MRTFA: variants seen among roughly 807,000 people sequenced by gnomAD.
MRTFA encodes myocardin-related transcription factor A.
Under a neutral mutation model 83.5 loss-of-function variants are expected in MRTFA, and 20 were observed. The observed-to-expected ratio is 0.24, with a 90% CI of 0.17 to 0.35. MRTFA has a LOEUF of 0.35. Among genes scored for constraint, MRTFA ranks in the 10% least tolerant of loss-of-function variants. The pLI is 1.00. For missense variants in MRTFA, 1,200 were observed against 1,224.7 expected, an observed-to-expected ratio of 0.98 and a Z score of 0.30; for synonymous variants, 659 against 541.2, an observed-to-expected ratio of 1.22 and a Z score of -3.02.
chr22:40,507,511 A>C (rs2147235437), intron 3 of MRTFA, among the ~76,000 whole-genome samples: 1 of 152,098 alleles, frequency 6.6e-6, no homozygotes, highest in East Asian at 1.9e-4. Flanking sequence ...AGTCCTAGCT[A>C]TTAGAGAGGC....
At chr22:40,524,258 T>C (rs1251642460) in intron 3 of MRTFA, among the ~76,000 whole-genome samples, 1 of 152,144 alleles carries the variant, frequency 6.6e-6, no homozygotes, top group Non-Finnish European at 1.5e-5. Context: ...ATTATGCCAC[T>C]GCACTCCACC....
At chr22:40,466,338 G>A (rs1050274527) in intron 3 of MRTFA, among the ~76,000 whole-genome samples, 2 of 152,150 alleles carry the variant, frequency 1.3e-5, no homozygotes. Flanking sequence ...GCCCTGTGAG[G>A]ATGCTACAGT....
rs202094661 is a variant in MRTFA, at chr22:40,632,062, A to G, written c.-84+4416T>C. Among the ~76,000 whole-genome samples the G allele has an allele frequency of 2.0e-5, 3 of 152,342 alleles. No homozygotes were observed. The East Asian group carries it at 5.8e-4, about 29-fold the overall frequency. On this transcript the variant is annotated intron_variant, in intron 1 of 14. Coordinates refer to ENST00000355630, the MANE Select transcript of MRTFA (RefSeq NM_020831.6). ...GGTATGTGACTTCTGAAGCTAGGTC[A>G]TAAAAGTCAATGCAGCAGCTTGGTC...
At chr22:40,460,923 G>A (rs1417488387) in intron 4 of MRTFA, among the ~76,000 whole-genome samples, 1 of 152,088 alleles carries the variant, frequency 6.6e-6, no homozygotes, top group Non-Finnish European at 1.5e-5. Flanking sequence ...CCCAAGCCGG[G>A]CAAGGTGGCT....
chr22:40,601,695 T>C (rs2056260944), intron 1 of MRTFA, among the ~76,000 whole-genome samples: 1 of 152,150 alleles, frequency 6.6e-6, no homozygotes, highest in African/African-American at 2.4e-5. Flanking sequence ...CCATAACCTT[T>C]AAAGCCTGAA....
At chr22:40,602,411 G>A in intron 1 of MRTFA, among the ~76,000 whole-genome samples, 1 of 152,136 alleles carries the variant, frequency 6.6e-6, no homozygotes, top group East Asian at 1.9e-4. Context: ...GAATGAACTT[G>A]GGATCACCAC....
chr22:40,489,326 T>A (rs1253663964), intron 3 of MRTFA, among the ~76,000 whole-genome samples: 2 of 151,936 alleles, frequency 1.3e-5, no homozygotes, highest in Non-Finnish European at 2.9e-5. Context: ...ATAATGTGTA[T>A]CTGTAGAAGA....
chr22:40,508,520 A>C (rs1207001582), intron 3 of MRTFA, among the ~76,000 whole-genome samples: 25 of 149,820 alleles, frequency 1.7e-4, no homozygotes, highest in African/African-American at 5.6e-4. Context: ...TCTCAAAAAA[A>C]AAAAAAAAAA....
rs189540312 is a variant in MRTFA at position 40,540,520 on chromosome 22, T to C, written c.241+11586A>G. On this transcript the variant is annotated intron_variant, in intron 3 of 14. Transcript: ENST00000355630. ...GCTTAATTCTAGCCAGGCAGCGCGG[T>C]GGCTCAAACCTGTAATTCCAGCACT... Among the ~76,000 whole-genome samples, 427 of 152,198 alleles carry C rather than the reference T, an allele frequency of 2.8e-3. 2 individuals carry two copies. The highest frequency in any genetic ancestry group is 4.9e-3 in the Non-Finnish European group (334 of 68,012).
intron 3 of MRTFA, among the ~76,000 whole-genome samples, chr22:40,488,325 G>C (rs1184087780): frequency 6.6e-6 from 1 of 152,146 alleles, no homozygotes; most frequent in East Asian, 1.9e-4. Context: ...CAGAAGGAAG[G>C]CTGACTAGGG....
chr22:40,478,594 C>T (rs1172515025), intron 3 of MRTFA, among the ~76,000 whole-genome samples: 2 of 152,176 alleles, frequency 1.3e-5, no homozygotes, highest in African/African-American at 2.4e-5. Flanking sequence ...CACTCCTAAA[C>T]TCCTCGTACG....
chr22:40,628,004 C>T (rs1043769229), intron 1 of MRTFA, among the ~76,000 whole-genome samples: 2 of 152,112 alleles, frequency 1.3e-5, no homozygotes, highest in Non-Finnish European at 1.5e-5. Context: ...CAACAAAAAT[C>T]CTGTTATCTA....
intron 2 of MRTFA, among the ~76,000 whole-genome samples, chr22:40,565,678 G>C (rs1235205327): frequency 6.6e-6 from 1 of 152,130 alleles, no homozygotes; most frequent in Non-Finnish European, 1.5e-5. Context: ...TCGCTTTCTT[G>C]GGCCTACATT....
chr22:40,569,126 C>T (rs1320850117), intron 2 of MRTFA, among the ~76,000 whole-genome samples: 2 of 152,150 alleles, frequency 1.3e-5, no homozygotes, highest in African/African-American at 4.8e-5. Context: ...TGCAATGGTA[C>T]ACACCAGTAG....
chr22:40,538,940 C>T (rs1329257107), intron 3 of MRTFA, among the ~76,000 whole-genome samples: 3 of 145,960 alleles, frequency 2.1e-5, no homozygotes, highest in Non-Finnish European at 4.5e-5. Flanking sequence ...TCTACAGTCT[C>T]TATTAATTCA....
intron 1 of MRTFA, among the ~76,000 whole-genome samples, chr22:40,619,150 T>C (rs2056489543): frequency 6.6e-6 from 1 of 152,014 alleles, no homozygotes; most frequent in East Asian, 1.9e-4. Flanking sequence ...GTAACTAACA[T>C]TCATAATCAC....
At chr22:40,500,478 G>C (rs896429899) in intron 3 of MRTFA, among the ~76,000 whole-genome samples, 14 of 148,848 alleles carry the variant, frequency 9.4e-5, no homozygotes, top group African/African-American at 3.4e-4. Flanking sequence ...ATAGTGGAGG[G>C]AAGGTCAGCA....
At chr22:40,445,271 CTCTT>C (rs879627885) in intron 4 of MRTFA, among the ~76,000 whole-genome samples, 4 of 152,080 alleles carry the variant, frequency 2.6e-5, no homozygotes, top group Non-Finnish European at 5.9e-5. Context: ...CATATTTATT[CTCTT>C]TCTCTCATAT....
intron 3 of MRTFA, among the ~76,000 whole-genome samples, chr22:40,485,779 G>A (rs1401528692): frequency 6.6e-6 from 1 of 152,156 alleles, no homozygotes; most frequent in Non-Finnish European, 1.5e-5. Context: ...CTTAGAGGAG[G>A]TTGCAATGAT....
Sources: gnomAD v4.1 joint callset for allele counts (sites outside exome capture counted in the v4.1 genomes callset) on GRCh38, gnomAD v4.1.1 for gene constraint, MANE v1.5 for transcripts, NCBI Gene and HGNC (gene_info 2026-07-23, HGNC 2026-07-21) for gene names.